Variants in RAD51B observed in about 807,000 individuals in gnomAD.
RAD51B encodes RAD51 paralog B.
RAD51B carries 38 observed loss-of-function variants against 42.2 expected under a neutral mutation model. That is an observed-to-expected ratio of 0.90 (90% CI 0.70 to 1.18). The LOEUF is 1.18. Ranked by LOEUF, RAD51B falls within the 50% of genes most tolerant of loss-of-function variation. The pLI is 0.00. For synonymous variants in RAD51B, 154 were observed against 145.2 expected, an observed-to-expected ratio of 1.06 and a Z score of -0.43; for missense variants, 373 against 400.7, an observed-to-expected ratio of 0.93 and a Z score of 0.59.
chr14:68,670,478 G>A (rs1336941889), intron 11 of RAD51B, among the ~76,000 whole-genome samples: 1 of 152,210 alleles, frequency 6.6e-6, no homozygotes, highest in Non-Finnish European at 1.5e-5. Flanking sequence ...TCCAAGGAGA[G>A]GGCACTAGGC....
intron 7 of RAD51B, among the ~76,000 whole-genome samples, chr14:68,094,420 T>C (rs571355732): frequency 6.6e-6 from 1 of 152,334 alleles, no homozygotes; most frequent in South Asian, 2.1e-4. Context: ...TATCATGGAT[T>C]CATTTTGAAA....
intron 7 of RAD51B, among the ~76,000 whole-genome samples, chr14:68,054,087 T>G (rs2076435611): frequency 6.6e-6 from 1 of 152,188 alleles, no homozygotes; most frequent in African/African-American, 2.4e-5. Context: ...AAGGACAGTC[T>G]CTTATACAAA....
chr14:67,983,071 C>A (rs913705815), intron 7 of RAD51B, among the ~76,000 whole-genome samples: 2 of 152,026 alleles, frequency 1.3e-5, no homozygotes, highest in Admixed American at 1.3e-4. Flanking sequence ...GTCTCTTAAT[C>A]TGTAGAAACT....
chr14:68,326,732 C>T (rs990798335), intron 8 of RAD51B, among the ~76,000 whole-genome samples: 2 of 152,038 alleles, frequency 1.3e-5, no homozygotes, highest in Non-Finnish European at 2.9e-5. Context: ...TTTTTTTCAA[C>T]CTAAAATATT....
chr14:68,574,132 AG>A (rs1889851155), intron 10 of RAD51B, among the ~76,000 whole-genome samples: 1 of 151,778 alleles, frequency 6.6e-6, no homozygotes, highest in Non-Finnish European at 1.5e-5. Flanking sequence ...TGTTTGAGAC[AG>A]GGTCTCGCTC....
At chr14:68,136,345 GC>G (rs2078009271) in intron 7 of RAD51B, among the ~76,000 whole-genome samples, 3 of 27,444 alleles carry the variant, frequency 1.1e-4, no homozygotes, top group Non-Finnish European at 1.8e-4. Flanking sequence ...GGAGGCCAAG[GC>G]GGGCGGGTGG....
chr14:67,865,232 C>A, intron 5 of RAD51B, 93 bp downstream of exon 5: 1 of 1,195,898 alleles, frequency 8.4e-7, no homozygotes, highest in Non-Finnish European at 1.1e-6. Context: ...TACCACCCCT[C>A]CCCCTTGCCT....
intron 7 of RAD51B, among the ~76,000 whole-genome samples, chr14:67,907,074 T>C (rs1595090133): frequency 6.6e-6 from 1 of 152,006 alleles, no homozygotes; most frequent in Admixed American, 6.6e-5. Flanking sequence ...CTCCCAAAGT[T>C]CTGGGATTAC....
At chr14:68,620,772 G>A (rs139536890) in intron 10 of RAD51B, among the ~76,000 whole-genome samples, 1 of 152,178 alleles carries the variant, frequency 6.6e-6, no homozygotes, top group South Asian at 2.1e-4. Context: ...TCACCTGTCT[G>A]TCCACAGCCT....
intron 10 of RAD51B, among the ~76,000 whole-genome samples, chr14:68,631,652 C>T (rs1194341742): frequency 2.0e-5 from 3 of 152,180 alleles, no homozygotes; most frequent in Non-Finnish European, 2.9e-5. Flanking sequence ...TTTGGGCACT[C>T]GTCCCTTTAC....
At position 68,348,780 on chromosome 14, in the gene RAD51B, T is replaced by A. The variant is rs553119188; in HGVS notation, c.853+56800T>A. Among the ~76,000 whole-genome samples the A allele has an allele frequency of 7.3e-4, 111 of 152,236 alleles. 1 individual carries two copies. The highest frequency in any genetic ancestry group is 3.4e-3 in the Middle Eastern group (1 of 294). ...CAGGCATGGTGGGGGGCGCCTGTAG[T>A]CCCAGCTGCTCAGGAGGCTGAGGCA... On this transcript the variant is annotated intron_variant, in intron 8 of 10. Transcript: ENST00000471583.
chr14:68,539,970 G>A (rs138026482), intron 10 of RAD51B, among the ~76,000 whole-genome samples: 1 of 151,996 alleles, frequency 6.6e-6, no homozygotes, highest in African/African-American at 2.4e-5. Context: ...TGTTAGGATG[G>A]TCATCTGTGT....
chr14:68,441,086 A>G (rs1301177554), intron 9 of RAD51B, among the ~76,000 whole-genome samples: 2 of 152,228 alleles, frequency 1.3e-5, no homozygotes, highest in Non-Finnish European at 2.9e-5. Flanking sequence ...CAACAATGTA[A>G]CTACAGTTTC....
At chr14:68,246,058 A>G (rs1459972101) in intron 7 of RAD51B, among the ~76,000 whole-genome samples, 1 of 152,184 alleles carries the variant, frequency 6.6e-6, no homozygotes, top group African/African-American at 2.4e-5. Context: ...ATTTAGACTT[A>G]AAGTTTTATA....
At chr14:68,621,691 G>A (rs1891952220) in intron 10 of RAD51B, among the ~76,000 whole-genome samples, 1 of 152,204 alleles carries the variant, frequency 6.6e-6, no homozygotes, top group African/African-American at 2.4e-5. Context: ...TCTCCTACGG[G>A]AGAAAAAAAT....
intron 7 of RAD51B, among the ~76,000 whole-genome samples, chr14:68,155,481 C>T (rs546063687): frequency 2.0e-5 from 3 of 152,180 alleles, no homozygotes; most frequent in East Asian, 1.9e-4. Context: ...CATGAGCCAC[C>T]GCGCCCGGCC....
intron 10 of RAD51B, among the ~76,000 whole-genome samples, chr14:68,554,277 G>C (rs866349384): frequency 6.6e-6 from 1 of 152,190 alleles, no homozygotes; most frequent in Non-Finnish European, 1.5e-5. Flanking sequence ...AGTCACACCT[G>C]TGACCTTGAC....
At chr14:68,255,836 C>T (rs2080743174) in intron 7 of RAD51B, among the ~76,000 whole-genome samples, 1 of 152,086 alleles carries the variant, frequency 6.6e-6, no homozygotes, top group South Asian at 2.1e-4. Context: ...AACATTAGCT[C>T]GTCTTACAGC....
At chr14:68,282,925 C>T (rs910066389) in intron 7 of RAD51B, among the ~76,000 whole-genome samples, 2 of 152,174 alleles carry the variant, frequency 1.3e-5, no homozygotes, top group African/African-American at 2.4e-5. Flanking sequence ...GCTTCAACTC[C>T]GCTCTACTAT....
Sources: allele counts gnomAD v4.1 joint callset (sites outside exome capture counted in the v4.1 genomes callset), GRCh38; gene constraint gnomAD v4.1.1; transcripts MANE v1.5; gene names NCBI Gene and HGNC (gene_info 2026-07-23, HGNC 2026-07-21).